The following FAM171A1 variants were observed in gnomAD, a reference collection of about 807,000 sequenced individuals.
FAM171A1 encodes protein FAM171A1.
FAM171A1 carries 23 observed loss-of-function variants against 74.9 expected under a neutral mutation model. The ratio of observed to expected loss-of-function variants is 0.31; its 90% CI spans 0.22 to 0.44. The LOEUF is 0.44. Among genes scored for constraint, FAM171A1 ranks in the 20% least tolerant of loss-of-function variants. The pLI is 1.00. For synonymous variants in FAM171A1, 527 were observed against 505.7 expected, an observed-to-expected ratio of 1.04 and a Z score of -0.57; for missense variants, 1,162 against 1,159.2, an observed-to-expected ratio of 1.00 and a Z score of -0.03.
Position 15,212,742 on chromosome 10 carries a change from TA to T in FAM171A1, c.*172del, listed in dbSNP as rs1323007674. On this transcript the variant is annotated 3_prime_UTR_variant, in exon 8 of 8. Coordinates refer to ENST00000378116, the MANE Select transcript of FAM171A1 (RefSeq NM_001010924.2). The stretch of plus-strand genomic sequence containing the variant: ...CGCCAAAGTCATCCTTTATTCCGAG[TA>T]ATAACTTTAATTCCTTTCTAACATT... The T allele has an allele frequency of 1.1e-6, 1 of 916,248 alleles. No individual in the cohort carries two copies. The highest frequency in any genetic ancestry group is 1.6e-6 in the Non-Finnish European group (1 of 618,422). The allele number at this position is 916,248 out of a possible 1,614,324, so 56.8% of individuals were successfully genotyped here. A position where few individuals can be genotyped will look rare whatever the true frequency, so the allele number is the denominator to read the frequency against.
At chr10:15,372,993 G>A (rs1272641592), upstream of FAM171A1, among the ~76,000 whole-genome samples, 1 of 152,104 alleles carries the variant, frequency 6.6e-6, no homozygotes, top group Non-Finnish European at 1.5e-5. Flanking sequence ...AGAACACCAG[G>A]CCAGAAGGAG....
At chr10:15,352,752 C>T (rs1835893662) in intron 1 of FAM171A1, among the ~76,000 whole-genome samples, 3 of 152,166 alleles carry the variant, frequency 2.0e-5, no homozygotes, top group African/African-American at 7.2e-5. Context: ...AAAGAGAATA[C>T]AAAGTGTGTG....
Position 15,275,866 on chromosome 10 carries a change from G to A in FAM171A1, c.407C>T (p.Ser136Leu), listed in dbSNP as rs774474168. 1 of 1,606,798 alleles carries A rather than the reference G, an allele frequency of 6.2e-7. No homozygotes were observed. The highest frequency in any genetic ancestry group is 1.7e-5 in the Admixed American group (1 of 59,622). Residue 136 changes from serine to leucine, a missense_variant, in exon 3 of 8, where the codon TCA becomes TTA. Ser to Leu is a moderately radical substitution (Grantham distance 145, BLOSUM62 -2). Coordinates refer to ENST00000378116, the MANE Select transcript of FAM171A1 (RefSeq NM_001010924.2). ...MVYEDVVQIVSGFQGARPQPR... is the reference protein window; with the variant it reads ...MVYEDVVQIVLGFQGARPQPR... ...AATATTAAATATACCTTGGAATCCT[G>A]ATACTATTTGGACGACATCTTCATA... is the stretch of plus-strand genomic sequence containing the variant.
At chr10:15,318,798 C>T (rs1045481905) in intron 1 of FAM171A1, among the ~76,000 whole-genome samples, 1 of 152,076 alleles carries the variant, frequency 6.6e-6, no homozygotes, top group African/African-American at 2.4e-5. Context: ...ATGGGGAGAC[C>T]CTCACTATTT....
intron 3 of FAM171A1, among the ~76,000 whole-genome samples, chr10:15,273,637 A>C (rs1834856094): frequency 6.6e-6 from 1 of 152,230 alleles, no homozygotes; most frequent in Admixed American, 6.5e-5. Context: ...AATCCTCAAT[A>C]AAATACTGGC....
intron 1 of FAM171A1, among the ~76,000 whole-genome samples, chr10:15,363,012 T>C (rs1158183606): frequency 6.6e-6 from 1 of 152,186 alleles, no homozygotes; most frequent in Non-Finnish European, 1.5e-5. Flanking sequence ...TAGCACACTG[T>C]CTTCATACAG....
At chr10:15,320,678 T>C (rs541197074) in intron 1 of FAM171A1, among the ~76,000 whole-genome samples, 1 of 152,348 alleles carries the variant, frequency 6.6e-6, no homozygotes, top group Non-Finnish European at 1.5e-5. Context: ...TATGAGATGG[T>C]ATCTCATTGT....
At chr10:15,306,147 CT>C (rs1483871166) in intron 1 of FAM171A1, among the ~76,000 whole-genome samples, 1 of 152,234 alleles carries the variant, frequency 6.6e-6, no homozygotes, top group Non-Finnish European at 1.5e-5. Context: ...AAGCCCCTAT[CT>C]TCACATTCAG....
chr10:15,310,776 G>A (rs1394534398), intron 1 of FAM171A1, among the ~76,000 whole-genome samples: 3 of 151,738 alleles, frequency 2.0e-5, no homozygotes, highest in African/African-American at 7.3e-5. Context: ...CAGGAGAACC[G>A]TTTGAACCAG....
At chr10:15,215,928 C>A in intron 7 of FAM171A1, 68 bp downstream of exon 7, 8 of 968,130 alleles carry the variant, frequency 8.3e-6, no homozygotes, top group East Asian at 2.7e-5. Flanking sequence ...CATATTAATG[C>A]TTCTAAGTAT....
chr10:15,307,071 T>G (rs1835304505), intron 1 of FAM171A1, among the ~76,000 whole-genome samples: 1 of 152,136 alleles, frequency 6.6e-6, no homozygotes, highest in Non-Finnish European at 1.5e-5. Context: ...CTCTGTTGGG[T>G]GACCTTATTT....
intron 3 of FAM171A1, among the ~76,000 whole-genome samples, chr10:15,257,259 C>T (rs1335177815): frequency 1.3e-5 from 2 of 152,166 alleles, no homozygotes; most frequent in Non-Finnish European, 2.9e-5. Context: ...GTGAGATGGG[C>T]TGGCAGAGAC....
At chr10:15,304,033 A>T (rs1835264392) in intron 1 of FAM171A1, among the ~76,000 whole-genome samples, 1 of 152,224 alleles carries the variant, frequency 6.6e-6, no homozygotes, top group Non-Finnish European at 1.5e-5. Context: ...TCCCAATGGA[A>T]CAAACCCAAA....
At position 15,220,565 on chromosome 10, in the gene FAM171A1, C is replaced by T. The variant is rs930969604; in HGVS notation, c.871+379G>A. 2.0e-5 allele frequency among the ~76,000 whole-genome samples: 3 copies of T among 152,154 alleles called. No homozygotes were observed. In the South Asian group the frequency reaches 6.2e-4, roughly 32 times the overall value. On this transcript the variant is annotated intron_variant, in intron 6 of 7. Transcript: ENST00000378116. ...GGCTTTTTGCCCCCAGTGGTGACTT[C>T]CCACTAGCATCTCTGTGGAGTGCTT...
At chr10:15,254,651 A>T in intron 4 of FAM171A1, 70 bp downstream of exon 4, 2 of 1,536,726 alleles carry the variant, frequency 1.3e-6, no homozygotes, top group South Asian at 2.4e-5. Flanking sequence ...ACTCCCAATC[A>T]TACCTAAAAT....
intron 1 of FAM171A1, among the ~76,000 whole-genome samples, chr10:15,332,714 T>C (rs1835655109): frequency 6.6e-6 from 1 of 152,146 alleles, no homozygotes; most frequent in Non-Finnish European, 1.5e-5. Context: ...AATGCAACTG[T>C]TCTGTTCCAT....
At chr10:15,303,197 A>G (rs1029832254) in intron 1 of FAM171A1, among the ~76,000 whole-genome samples, 1 of 152,170 alleles carries the variant, frequency 6.6e-6, no homozygotes, top group Non-Finnish European at 1.5e-5. Context: ...CTCAAAAAAA[A>G]AGTCCTGATT....
At chr10:15,263,659 C>A (rs12240775) in intron 3 of FAM171A1, among the ~76,000 whole-genome samples, 13,190 of 152,130 alleles carry the variant, frequency 0.087, 784 homozygotes, top group African/African-American at 0.16. Flanking sequence ...TAAGACAGTC[C>A]TGGCTGGCTG....
chr10:15,312,678 T>G lies in FAM171A1; in HGVS notation c.98-28573A>C, dbSNP rs1194563506. Among the ~76,000 whole-genome samples, 14 of 22,620 alleles carry G rather than the reference T, an allele frequency of 6.2e-4. 1 individual carries two copies. Among genetic ancestry groups the G allele is most frequent in the East Asian group, 3.3e-3 (3 of 916 alleles). 14.8% of individuals were successfully genotyped at this position (22,620 alleles called of 152,430 possible). ...GAATGAGTTCAGCACTGTGTGTTTT[T>G]TTTTTTTTTTTTTTTTTTTTTTTTT... On this transcript the variant is annotated intron_variant, in intron 1 of 7. Coordinates refer to ENST00000378116, the MANE Select transcript of FAM171A1 (RefSeq NM_001010924.2).
Sources: allele counts gnomAD v4.1 joint callset (sites outside exome capture counted in the v4.1 genomes callset), GRCh38; gene constraint gnomAD v4.1.1; transcripts MANE v1.5; gene names NCBI Gene and HGNC (gene_info 2026-07-23, HGNC 2026-07-21).